Variants in ARPP21 observed in about 807,000 individuals in gnomAD.
ARPP21 encodes the protein cAMP-regulated phosphoprotein 21.
In ARPP21, 69 loss-of-function variants were observed where a neutral mutation model predicts 113.2. The ratio of observed to expected loss-of-function variants is 0.61; its 90% confidence interval spans 0.50 to 0.74. The LOEUF (loss-of-function observed/expected upper bound fraction) is 0.74. Among genes scored for constraint, ARPP21 ranks in the 30% least tolerant of loss-of-function variants. The probability of loss-of-function intolerance (pLI) is 0.00; values close to 1 mark genes in which losing one functional copy is unlikely to be tolerated. For missense variants in ARPP21, 1,070 were observed against 1,037.4 expected, an observed-to-expected ratio of 1.03 and a Z score of -0.43; for synonymous variants, 368 against 375.5, an observed-to-expected ratio of 0.98 and a Z score of 0.23.
At chr3:35,689,505 T>G in intron 7 of ARPP21, 120 bp downstream of exon 7, 1 of 609,848 alleles carries the variant, frequency 1.6e-6, no homozygotes, top group Non-Finnish European at 2.9e-6. Flanking sequence ...CCCTGACGTC[T>G]TAAACTGTCT....
chr3:35,762,118 TCTCTCTCTCA>T (rs971623397), intron 19 of ARPP21, among the ~76,000 whole-genome samples: 9 of 145,640 alleles, frequency 6.2e-5, no homozygotes, highest in Non-Finnish European at 9.0e-5. Flanking sequence ...TCTCTCTCTC[TCTCTCTCTCA>T]CACACACACA....
At chr3:35,756,712 T>C (rs2095584193) in intron 19 of ARPP21, among the ~76,000 whole-genome samples, 1 of 152,110 alleles carries the variant, frequency 6.6e-6, no homozygotes, top group Admixed American at 6.5e-5. Context: ...TGTTTTGTTG[T>C]TGTTGTTGTT....
rs143450103 is a variant in ARPP21 at position 35,742,861 on chromosome 3, A to G, written c.2011-978A>G. On this transcript the variant is annotated intron_variant, in intron 18 of 20. Transcript: ENST00000684406. ...TAGAGAATATGATAGGCGAAAACTCAGAAGCCCAGAGATAGAAAATAATTA... is the reference window on the plus strand; with the variant it reads ...TAGAGAATATGATAGGCGAAAACTCGGAAGCCCAGAGATAGAAAATAATTA... Among the ~76,000 whole-genome samples, 3 of 152,322 alleles carry G rather than the reference A, an allele frequency of 2.0e-5. No homozygotes were observed. In the East Asian group the frequency reaches 5.8e-4, roughly 29 times the overall value.
At position 35,739,430 on chromosome 3, in the gene ARPP21, G is replaced by T. The variant is rs550499033; in HGVS notation, c.1863G>T (p.Pro621=). 2.5e-6 allele frequency: 4 copies of T among 1,614,092 alleles called. No individual in the cohort carries two copies. Among genetic ancestry groups the T allele is most frequent in the Non-Finnish European group, 3.4e-6 (4 of 1,180,038 alleles). ...ACCCATCCTCCCTTATGCCACAGCCGGCCCAGCAGCCCAGCTATGTAATCG... is the reference window on the plus strand; with the variant it reads ...ACCCATCCTCCCTTATGCCACAGCCTGCCCAGCAGCCCAGCTATGTAATCG... ...PVYPSSLMPQ[P]AQQPSYVIAS... The change falls in exon 18 of 21, where the codon CCG becomes CCT. Residue 621 remains proline, a synonymous_variant. Coordinates refer to ENST00000684406, the MANE Select transcript of ARPP21 (RefSeq NM_001385562.1).
chr3:35,716,968 A>G (rs1219368597), intron 12 of ARPP21, among the ~76,000 whole-genome samples: 3 of 152,048 alleles, frequency 2.0e-5, no homozygotes, highest in Non-Finnish European at 4.4e-5. Context: ...AAATATGAAG[A>G]ATAGTTTTAA....
At chr3:35,745,535 C>T (rs2094974528) in intron 19 of ARPP21, among the ~76,000 whole-genome samples, 2 of 152,140 alleles carry the variant, frequency 1.3e-5, no homozygotes, top group South Asian at 4.1e-4. Flanking sequence ...AGAGTGTCAT[C>T]ATACAAAGAA....
In ARPP21 at chr3:35,721,710, C is replaced by T. The variant is rs753425836; in HGVS notation, c.1101C>T (p.Ser367=). The T allele has an allele frequency of 1.4e-5, 22 of 1,613,718 alleles. No individual in the cohort carries two copies. In the Admixed American group the frequency reaches 1.5e-4, roughly 11 times the overall value. ...AAAGGGCCTGGAGCAGCACAGACTC[C>T]GACAGTTCCAACCGCAATCTAAAGC... ...DHQRAWSSTD[S]DSSNRNLKPA... Residue 367 remains serine (S), a synonymous_variant, in exon 14 of 21, where the codon TCC becomes TCT. Transcript: ENST00000684406.
intron 19 of ARPP21, among the ~76,000 whole-genome samples, chr3:35,780,705 A>G (rs896849887): frequency 6.6e-6 from 1 of 152,170 alleles, no homozygotes; most frequent in Non-Finnish European, 1.5e-5. Flanking sequence ...GGAACCTGTC[A>G]GAAATGCATA....
intron 9 of ARPP21, among the ~76,000 whole-genome samples, chr3:35,700,463 C>G (rs1190712988): frequency 6.6e-6 from 1 of 151,228 alleles, no homozygotes; most frequent in Admixed American, 6.6e-5. Context: ...ATTAATGCTA[C>G]TATCATTTAA....
At chr3:35,773,192 T>G (rs1360127355) in intron 19 of ARPP21, among the ~76,000 whole-genome samples, 1 of 152,158 alleles carries the variant, frequency 6.6e-6, no homozygotes, top group Non-Finnish European at 1.5e-5. Context: ...GAAGTGAATT[T>G]CAACTTCAAA....
rs909385401 is a variant in ARPP21 at position 35,707,236 on chromosome 3, C to T, written c.795+154C>T. Among the ~76,000 whole-genome samples the T allele has an allele frequency of 1.4e-4, 22 of 152,094 alleles. 1 individual carries two copies. The highest frequency in any genetic ancestry group is 3.2e-4 in the Non-Finnish European group (22 of 68,026). On this transcript the variant is annotated intron_variant, in intron 10 of 20. Coordinates refer to ENST00000684406, the MANE Select transcript of ARPP21 (RefSeq NM_001385562.1). ...TCTCCAACCTCCTTCTCCTCCTTCC[C>T]TCCCCCTTTGGCATTCAATGGGTAG...
intron 14 of ARPP21, among the ~76,000 whole-genome samples, chr3:35,724,706 A>C (rs1254605942): frequency 6.6e-6 from 1 of 152,180 alleles, no homozygotes; most frequent in African/African-American, 2.4e-5. Context: ...TATTCCTGCT[A>C]TTGTCACATT....
At chr3:35,760,529 G>A (rs2095731467) in intron 19 of ARPP21, among the ~76,000 whole-genome samples, 5 of 151,640 alleles carry the variant, frequency 3.3e-5, no homozygotes, top group Admixed American at 3.3e-4. Flanking sequence ...CACAGAAGTA[G>A]AAGGAGGAGG....
rs529682774 is a variant in ARPP21, at chr3:35,692,680, A to G, written c.686+1675A>G. Among the ~76,000 whole-genome samples, 6 of 151,834 alleles carry G rather than the reference A, an allele frequency of 4.0e-5. No homozygotes were observed. The East Asian group carries it at 7.8e-4, about 20-fold the overall frequency. ...TTCCTCGGAGAATGGCTTTGAGAAAATTAAGCATTATATCAAGACTCCTGG... is the reference window on the plus strand; with the variant it reads ...TTCCTCGGAGAATGGCTTTGAGAAAGTTAAGCATTATATCAAGACTCCTGG... On this transcript the variant is annotated intron_variant, in intron 9 of 20. Transcript: ENST00000684406.
chr3:35,654,306 T>C (rs1181562408), intron 1 of ARPP21, among the ~76,000 whole-genome samples: 2 of 152,052 alleles, frequency 1.3e-5, no homozygotes, highest in Admixed American at 6.6e-5. Context: ...AGTTACTCTT[T>C]TGTGATTGTT....
At chr3:35,705,087 G>C (rs2088249020) in intron 9 of ARPP21, among the ~76,000 whole-genome samples, 2 of 152,052 alleles carry the variant, frequency 1.3e-5, no homozygotes, top group African/African-American at 4.8e-5. Flanking sequence ...CACTTAACTG[G>C]AGTTTATCAG....
chr3:35,665,727 C>G (rs1467260464), intron 1 of ARPP21, among the ~76,000 whole-genome samples: 1 of 152,166 alleles, frequency 6.6e-6, no homozygotes, highest in Non-Finnish European at 1.5e-5. Context: ...AGATGAAGAG[C>G]TACTTAATGA....
intron 16 of ARPP21, 111 bp downstream of exon 16, chr3:35,737,473 A>C: frequency 9.1e-6 from 6 of 659,230 alleles, no homozygotes; most frequent in South Asian, 3.0e-5. Flanking sequence ...CTCAAGCCTC[A>C]CAAATAAAAC....
chr3:35,657,405 C>T (rs1705512707), intron 1 of ARPP21, among the ~76,000 whole-genome samples: 1 of 152,052 alleles, frequency 6.6e-6, no homozygotes, highest in South Asian at 2.1e-4. Flanking sequence ...TTAATTCTAG[C>T]CAGGGATCTG....
Sources: allele counts gnomAD v4.1 joint callset (sites outside exome capture counted in the v4.1 genomes callset), GRCh38; gene constraint gnomAD v4.1.1; transcripts MANE v1.5; gene names NCBI Gene and HGNC (gene_info 2026-07-23, HGNC 2026-07-21).